The following GABRA2 variants were observed in gnomAD, a reference collection of about 807,000 sequenced individuals.
The protein encoded by GABRA2 is gamma-aminobutyric acid type A receptor subunit alpha2.
In GABRA2, 16 loss-of-function variants were observed where a neutral mutation model predicts 48.7. The ratio of observed to expected loss-of-function variants is 0.33; its 90% CI spans 0.22 to 0.50. The LOEUF (loss-of-function observed/expected upper bound fraction) is 0.50, where lower values mean the gene tolerates loss of function less well. GABRA2 is among the 20% of genes least tolerant of loss of function. The probability of loss-of-function intolerance (pLI) is 0.98; values close to 1 mark genes in which losing one functional copy is unlikely to be tolerated. For synonymous variants in GABRA2, 185 were observed against 184.5 expected (o/e 1.00, Z -0.02); for missense variants, 275 against 535.6 (o/e 0.51, Z 4.80).
chr4:46,345,289 CA>C (rs1733955850), intron 3 of GABRA2, among the ~76,000 whole-genome samples: 1 of 151,856 alleles, frequency 6.6e-6, no homozygotes, highest in Non-Finnish European at 1.5e-5. Flanking sequence ...GTCTTTATAG[CA>C]GTGTGAAAAT....
chr4:46,297,666 A>T (rs1725008010), intron 8 of GABRA2, among the ~76,000 whole-genome samples: 1 of 151,104 alleles, frequency 6.6e-6, no homozygotes, highest in African/African-American at 2.4e-5. Flanking sequence ...CTAACTAAAG[A>T]TTTGTCAATT....
intron 3 of GABRA2, among the ~76,000 whole-genome samples, chr4:46,346,120 A>G (rs1286591606): frequency 6.6e-6 from 1 of 151,986 alleles, no homozygotes. Flanking sequence ...TTCCCATAAC[A>G]CCTACATGTG....
At chr4:46,267,620 G>T (rs1718514210) in intron 8 of GABRA2, among the ~76,000 whole-genome samples, 1 of 151,944 alleles carries the variant, frequency 6.6e-6, no homozygotes, top group African/African-American at 2.4e-5. Context: ...TGTTGTTATT[G>T]TTGAAGTACT....
chr4:46,298,261 T>C (rs532414859), intron 8 of GABRA2, among the ~76,000 whole-genome samples: 4 of 152,140 alleles, frequency 2.6e-5, no homozygotes, highest in Non-Finnish European at 5.9e-5. Context: ...TTTTCTTGTT[T>C]CCCAATTTTA....
chr4:46,277,355 A>C (rs968952546), intron 8 of GABRA2, among the ~76,000 whole-genome samples: 1 of 152,142 alleles, frequency 6.6e-6, no homozygotes, highest in Non-Finnish European at 1.5e-5. Context: ...GCCTTGTGCC[A>C]AAGTCAATTC....
chr4:46,310,278 T>C (rs1177475347), intron 5 of GABRA2, 23 bp from the exon 6 acceptor site: 5 of 1,588,738 alleles, frequency 3.1e-6, no homozygotes, highest in Non-Finnish European at 4.3e-6. Context: ...ATTTCACTAT[T>C]TGTTTAAGTA....
chr4:46,390,202 TCC>T (rs1273360427), upstream of GABRA2: 115 of 60,012 alleles, frequency 1.9e-3, 2 homozygotes, highest in Non-Finnish European at 2.5e-3. Flanking sequence ...CTCCCCCCCC[TCC>T]CCCCCCCCCA....
Position 46,315,486 on chromosome 4 carries a change from T to C in GABRA2, c.256-2770A>G, listed in dbSNP as rs1210170277. Among the ~76,000 whole-genome samples, 7 of 152,098 alleles carry C rather than the reference T, an allele frequency of 4.6e-5. No homozygotes were observed. The East Asian group carries it at 1.4e-3, about 29-fold the overall frequency. On this transcript the variant is annotated intron_variant, in intron 4 of 9. Coordinates refer to ENST00000381620, the MANE Select transcript of GABRA2 (RefSeq NM_000807.4). ...CTCCCACCCTCACCATGCAAACTCATGTTATGCTCTAGGCAATTGTAACAA... is the reference window on the plus strand; with the variant it reads ...CTCCCACCCTCACCATGCAAACTCACGTTATGCTCTAGGCAATTGTAACAA...
At chr4:46,377,396 G>C (rs1345655154) in intron 3 of GABRA2, among the ~76,000 whole-genome samples, 1 of 151,452 alleles carries the variant, frequency 6.6e-6, no homozygotes, top group African/African-American at 2.4e-5. Flanking sequence ...CGCCCCGTCC[G>C]GGATGTGAGG....
intron 3 of GABRA2, among the ~76,000 whole-genome samples, chr4:46,357,519 C>G (rs570803227): frequency 6.6e-6 from 1 of 150,772 alleles, no homozygotes; most frequent in East Asian, 1.9e-4. Context: ...ACTTCTTAGT[C>G]CCTCAGTTTC....
rs916688436 is a variant in GABRA2 at position 46,389,981 on chromosome 4, G to A, written c.-257C>T. On this transcript the variant is annotated 5_prime_UTR_variant, in exon 1 of 10. Transcript: ENST00000381620. ...AGGAGGCGAAGGCGTTCGTAGTGGC[G>A]GTGATGGGCGGAGGAGGAGGAAGAG... 1.2e-5 allele frequency: 12 copies of A among 987,214 alleles called. No homozygotes were observed. The highest frequency in any genetic ancestry group is 1.4e-5 in the Non-Finnish European group (12 of 831,542). The allele number at this position is 987,214 out of a possible 1,614,324, so 61.2% of individuals were successfully genotyped here.
At chr4:46,374,053 A>C (rs1457094396) in intron 3 of GABRA2, among the ~76,000 whole-genome samples, 1 of 152,054 alleles carries the variant, frequency 6.6e-6, no homozygotes, top group Admixed American at 6.6e-5. Context: ...AATTTTGAAG[A>C]GTTTCTCTAT....
chr4:46,285,418 C>T lies in GABRA2; in HGVS notation c.856+18042G>A, dbSNP rs529822746. 5.5e-3 allele frequency among the ~76,000 whole-genome samples: 839 copies of T among 152,076 alleles called. 3 individuals carry two copies. The highest frequency in any genetic ancestry group is 8.3e-3 in the Non-Finnish European group (566 of 67,924). ...AACCTGGCAGCCTTGACACTAAACA[C>T]CTTCTGCTGATTGTAAGTTAAATAT... On this transcript the variant is annotated intron_variant, in intron 8 of 9. Coordinates refer to ENST00000381620, the MANE Select transcript of GABRA2 (RefSeq NM_000807.4).
At chr4:46,318,953 G>A (rs1039659319) in intron 4 of GABRA2, among the ~76,000 whole-genome samples, 3 of 151,604 alleles carry the variant, frequency 2.0e-5, no homozygotes, top group African/African-American at 7.3e-5. Context: ...TCACAGATGG[G>A]AATATAGATA....
At chr4:46,388,791 A>G in intron 1 of GABRA2, 75 bp from the exon 2 acceptor site, 1 of 1,602,286 alleles carries the variant, frequency 6.2e-7, no homozygotes, top group African/African-American at 1.3e-5. Context: ...GTAACCCCAA[A>G]GAATATCCTT....
chr4:46,302,144 C>T (rs1725854138), intron 8 of GABRA2, among the ~76,000 whole-genome samples: 4 of 151,756 alleles, frequency 2.6e-5, no homozygotes, highest in South Asian at 2.1e-4. Context: ...TCATAGCTCA[C>T]GATAGCCTCA....
In GABRA2 at chr4:46,332,569, A is replaced by G. The variant is rs151025946; in HGVS notation, c.255+46T>C. On this transcript the variant is annotated intron_variant, in intron 4 of 9. Transcript: ENST00000381620. ...GCTAGTTTATTTGAAATTACCCCCC[A>G]CTCCCCATTATGTGAAGTAAAAATA... 6.8e-4 allele frequency: 726 copies of G among 1,061,768 alleles called. 7 individuals are homozygous for G. In the East Asian group the frequency reaches 0.015, roughly 22 times the overall value. 65.8% of individuals were successfully genotyped at this position (1,061,768 alleles called of 1,614,324 possible). A position where few individuals can be genotyped will look rare whatever the true frequency, so the allele number is the denominator to read the frequency against.
At chr4:46,334,415 A>T (rs1731869050) in intron 3 of GABRA2, among the ~76,000 whole-genome samples, 1 of 152,182 alleles carries the variant, frequency 6.6e-6, no homozygotes, top group South Asian at 2.1e-4. Flanking sequence ...ACATTTATTC[A>T]ATTAGTAACT....
At chr4:46,338,428 C>CT (rs1732640864) in intron 3 of GABRA2, among the ~76,000 whole-genome samples, 1 of 151,938 alleles carries the variant, frequency 6.6e-6, no homozygotes, top group Non-Finnish European at 1.5e-5. Flanking sequence ...TTATCCTACT[C>CT]TTACTTGTAT....
Sources: gnomAD v4.1 joint callset for allele counts (sites outside exome capture counted in the v4.1 genomes callset) on GRCh38, gnomAD v4.1.1 for gene constraint, MANE v1.5 for transcripts, NCBI Gene and HGNC (gene_info 2026-07-23, HGNC 2026-07-21) for gene names.